The following RIMBP2 variants were observed in gnomAD, a reference collection of about 807,000 sequenced individuals.
RIMBP2 encodes RIMS binding protein 2.
RIMBP2 carries 48 observed loss-of-function variants against 118.6 expected under a neutral mutation model. The observed-to-expected ratio is 0.40, with a 90% CI of 0.32 to 0.51. The LOEUF (loss-of-function observed/expected upper bound fraction) is 0.51. RIMBP2 is among the 20% of genes least tolerant of loss of function. RIMBP2 has a pLI of 0.41. For missense variants in RIMBP2, 1,551 were observed against 1,768.3 expected (o/e 0.88, Z 2.20); for synonymous variants, 762 against 742.9 (o/e 1.03, Z -0.42).
intron 3 of RIMBP2, among the ~76,000 whole-genome samples, chr12:130,512,816 C>T (rs545241639): frequency 6.6e-6 from 1 of 152,310 alleles, no homozygotes; most frequent in South Asian, 2.1e-4. Flanking sequence ...CTTCCTTTGT[C>T]CTGATGAAAT....
At chr12:130,460,812 C>G (rs768601323) in intron 6 of RIMBP2, among the ~76,000 whole-genome samples, 5 of 152,060 alleles carry the variant, frequency 3.3e-5, no homozygotes, top group Non-Finnish European at 7.4e-5. Flanking sequence ...GAGGGGGTGT[C>G]GGGAGCAGGA....
In RIMBP2 at chr12:130,542,465, T is replaced by C. The variant is rs571818257; in HGVS notation, c.-216-24548A>G. 3.9e-5 allele frequency among the ~76,000 whole-genome samples: 6 copies of C among 152,360 alleles called. 1 individual carries two copies. The highest frequency in any genetic ancestry group is 1.4e-4 in the African/African-American group (6 of 41,596). ...TTATCACAGATTATCTGTTGCATCC[T>C]CTGCCTTTGAAAACACACATAATCC... On this transcript the variant is annotated intron_variant, in intron 2 of 22. Coordinates refer to ENST00000690449, the MANE Select transcript of RIMBP2 (RefSeq NM_001393629.1).
Position 130,431,532 on chromosome 12 carries a change from A to G in RIMBP2, c.2254-3195T>C. On this transcript the variant is annotated intron_variant, in intron 14 of 22. Coordinates refer to ENST00000690449, the MANE Select transcript of RIMBP2 (RefSeq NM_001393629.1). This position sits in a 1 kb window ranked among gnomAD's most constrained non-coding sequence, Gnocchi z 4.0. ...AAAATATCTCAACTGTAAATGGAAA[A>G]TAAGTATCACTTATTTTATGTTATA... 1 of 287,254 alleles carries G rather than the reference A, an allele frequency of 3.5e-6. No homozygotes were observed. The highest frequency in any genetic ancestry group is 7.4e-6 in the Non-Finnish European group (1 of 134,886). 17.8% of individuals were successfully genotyped at this position (287,254 alleles called of 1,614,324 possible).
rs2078866272 is a variant in RIMBP2, at chr12:130,450,051, C to A, written c.581+149G>T. 1 of 603,806 alleles carries A rather than the reference C, an allele frequency of 1.7e-6. No individual in the cohort carries two copies. The highest frequency in any genetic ancestry group is 4.4e-4 in the Middle Eastern group (1 of 2,268). 37.4% of individuals were successfully genotyped at this position (603,806 alleles called of 1,614,324 possible). A position where few individuals can be genotyped will look rare whatever the true frequency, so the allele number is the denominator to read the frequency against. On this transcript the variant is annotated intron_variant, in intron 9 of 22. Transcript: ENST00000690449. The surrounding 1 kb of genome is among the most constrained non-coding windows in gnomAD (Gnocchi z 4.8). ...GCCACCCAAACTCTCTCCACCGAAC[C>A]CTGCTCAGCCTCCAGGCCAGGCTGA... is the stretch of plus-strand genomic sequence containing the variant.
chr12:130,451,689 A>T (rs2137387770), intron 7 of RIMBP2, among the ~76,000 whole-genome samples: 1 of 151,636 alleles, frequency 6.6e-6, no homozygotes, highest in Non-Finnish European at 1.5e-5. Flanking sequence ...GAGGCCGCAA[A>T]CCTCCTGCAC....
chr12:130,602,128 G>A (rs560935252), intron 2 of RIMBP2, among the ~76,000 whole-genome samples: 13 of 152,216 alleles, frequency 8.5e-5, no homozygotes, highest in South Asian at 2.1e-4. Context: ...GCAAAACCTC[G>A]TCTCTACTAA....
intron 4 of RIMBP2, among the ~76,000 whole-genome samples, chr12:130,504,821 C>T (rs533087640): frequency 1.1e-4 from 17 of 152,342 alleles, no homozygotes; most frequent in South Asian, 4.1e-4. Context: ...CGGATCTGCG[C>T]GTGGGAGAGG....
At chr12:130,575,962 T>C (rs1397544875) in intron 2 of RIMBP2, among the ~76,000 whole-genome samples, 1 of 152,180 alleles carries the variant, frequency 6.6e-6, no homozygotes, top group Non-Finnish European at 1.5e-5. Context: ...CCCCGGATAT[T>C]TGAATTCAGA....
chr12:130,528,572 A>C (rs1480653274), intron 2 of RIMBP2, among the ~76,000 whole-genome samples: 1 of 152,220 alleles, frequency 6.6e-6, no homozygotes, highest in Non-Finnish European at 1.5e-5. Context: ...CCTATGTAAC[A>C]AACCTGCATG....
At chr12:130,524,408 G>A (rs755129631) in intron 2 of RIMBP2, among the ~76,000 whole-genome samples, 3 of 152,202 alleles carry the variant, frequency 2.0e-5, no homozygotes, top group Middle Eastern at 6.8e-3. Flanking sequence ...GCAGTGAGCA[G>A]GGGATACACC....
chr12:130,481,762 G>C (rs2082028659), intron 4 of RIMBP2, among the ~76,000 whole-genome samples: 1 of 152,190 alleles, frequency 6.6e-6, no homozygotes, highest in Non-Finnish European at 1.5e-5. Context: ...TCTGAGCCTG[G>C]GCAGGCCTGG....
intron 4 of RIMBP2, among the ~76,000 whole-genome samples, chr12:130,482,532 C>G (rs2082100494): frequency 6.6e-6 from 1 of 152,238 alleles, no homozygotes; most frequent in Admixed American, 6.5e-5. Context: ...CAGCCTCAAT[C>G]TGATACGAGG....
At chr12:130,440,879 T>G (rs924213015) in intron 11 of RIMBP2, among the ~76,000 whole-genome samples, 7 of 152,110 alleles carry the variant, frequency 4.6e-5, no homozygotes, top group Non-Finnish European at 8.8e-5. Context: ...AGTGGAGGCT[T>G]CCGGAGGTGG....
At chr12:130,692,489 C>A (rs1270883402) in intron 1 of RIMBP2, among the ~76,000 whole-genome samples, 1 of 151,796 alleles carries the variant, frequency 6.6e-6, no homozygotes, top group Non-Finnish European at 1.5e-5. Flanking sequence ...TTCCCCAATT[C>A]ACAATAATAA....
chr12:130,675,468 T>C (rs1333312112), intron 1 of RIMBP2, among the ~76,000 whole-genome samples: 1 of 152,094 alleles, frequency 6.6e-6, no homozygotes, highest in South Asian at 2.1e-4. Context: ...GGTTCCTGCC[T>C]CCCCTTCTCC....
intron 1 of RIMBP2, among the ~76,000 whole-genome samples, chr12:130,637,513 A>G (rs189123256): frequency 2.0e-5 from 3 of 152,366 alleles, no homozygotes; most frequent in African/African-American, 4.8e-5. Context: ...AATGAAAGCA[A>G]TGTAAACCAA....
chr12:130,674,155 T>C (rs891411619), intron 1 of RIMBP2, among the ~76,000 whole-genome samples: 1 of 152,032 alleles, frequency 6.6e-6, no homozygotes, highest in South Asian at 2.1e-4. Context: ...TGGCGCCTCC[T>C]CCTTTCCTCC....
intron 1 of RIMBP2, among the ~76,000 whole-genome samples, chr12:130,666,215 G>A (rs2063908976): frequency 6.6e-6 from 1 of 152,138 alleles, no homozygotes. Flanking sequence ...AAGCACACCT[G>A]GGAAGTTGTT....
At chr12:130,506,792 AC>A in intron 3 of RIMBP2, 22 bp from the exon 4 acceptor site, 1 of 985,666 alleles carries the variant, frequency 1.0e-6, no homozygotes, top group Non-Finnish European at 1.2e-6. Context: ...AGGGATGGAG[AC>A]AAGGAGGTTA....
Sources: allele counts gnomAD v4.1 joint callset (sites outside exome capture counted in the v4.1 genomes callset), GRCh38; gene constraint gnomAD v4.1.1; non-coding constraint Gnocchi (gnomAD v3.1); transcripts MANE v1.5; gene names NCBI Gene and HGNC (gene_info 2026-07-23, HGNC 2026-07-21).